The following MAP4 variants were observed in gnomAD, a reference collection of about 807,000 sequenced individuals.
MAP4 encodes microtubule-associated protein 4.
In MAP4, 76 loss-of-function variants were observed where a neutral mutation model predicts 170.2. The observed-to-expected ratio is 0.45, with a 90% CI of 0.37 to 0.54. The LOEUF (loss-of-function observed/expected upper bound fraction) is 0.54. Ranked by LOEUF, MAP4 falls within the 20% of genes least tolerant of loss-of-function variation. MAP4 has a pLI of 0.00. For synonymous variants in MAP4, 909 were observed against 994.5 expected, an observed-to-expected ratio of 0.91 and a Z score of 1.62; for missense variants, 2,506 against 2,748.0, an observed-to-expected ratio of 0.91 and a Z score of 1.97.
chr3:48,038,892 A>G (rs1376727472), intron 1 of MAP4, among the ~76,000 whole-genome samples: 2 of 152,172 alleles, frequency 1.3e-5, no homozygotes, highest in African/African-American at 2.4e-5. Context: ...ACACGAGCCC[A>G]GGAGTTCAAG....
intron 1 of MAP4, among the ~76,000 whole-genome samples, chr3:48,079,926 G>A (rs568981839): frequency 6.6e-6 from 1 of 151,468 alleles, no homozygotes; most frequent in Admixed American, 6.6e-5. Context: ...CTCCGGCCTG[G>A]GCAAAAGAGT....
intron 3 of MAP4, among the ~76,000 whole-genome samples, chr3:47,970,934 G>C (rs552658916): frequency 1.3e-4 from 20 of 152,220 alleles, no homozygotes; most frequent in African/African-American, 4.6e-4. Context: ...ACGTGGCTTA[G>C]AGTATTAATT....
At chr3:48,020,070 G>A (rs1025202480), upstream of MAP4, among the ~76,000 whole-genome samples, 2 of 152,024 alleles carry the variant, frequency 1.3e-5, no homozygotes, top group Non-Finnish European at 2.9e-5. Flanking sequence ...ATTTTTAGTA[G>A]AGACAGGGTT....
intron 3 of MAP4, chr3:47,960,254 TATTC>T (rs1299562554): frequency 4.9e-6 from 1 of 205,046 alleles, no homozygotes; most frequent in African/African-American, 2.3e-5. Flanking sequence ...TTTTTCATCT[TATTC>T]AGTATATTTC....
intron 1 of MAP4, among the ~76,000 whole-genome samples, chr3:48,048,254 T>C (rs2100125619): frequency 6.6e-6 from 1 of 152,228 alleles, no homozygotes; most frequent in South Asian, 2.1e-4. Flanking sequence ...TGCACACTGA[T>C]AAGCTCCCAT....
chr3:47,932,728 A>T (rs931570791), intron 3 of MAP4, among the ~76,000 whole-genome samples: 14 of 151,906 alleles, frequency 9.2e-5, no homozygotes, highest in Non-Finnish European at 1.9e-4. Flanking sequence ...TTCTTTGGAG[A>T]CGTGAAATGA....
At chr3:47,852,985 A>G (rs773385097) in intron 20 of MAP4, 47 bp from the exon 21 acceptor site, 3 of 1,614,048 alleles carry the variant, frequency 1.9e-6, no homozygotes, top group Admixed American at 1.7e-5. Flanking sequence ...CAGGGGAGAC[A>G]AGAGGGGAAC....
At chr3:47,865,431 TTCCACCCGAGTGTAAAG>T (rs1169497072) in intron 17 of MAP4, among the ~76,000 whole-genome samples, 2 of 152,132 alleles carry the variant, frequency 1.3e-5, no homozygotes, top group Non-Finnish European at 2.9e-5. Context: ...GGTCAAGCAA[TTCCACCCGAGTGTAAAG>T]GATGCCATTT....
At chr3:47,984,623 G>A (rs116724581) in intron 2 of MAP4, among the ~76,000 whole-genome samples, 1 of 151,766 alleles carries the variant, frequency 6.6e-6, no homozygotes, top group Non-Finnish European at 1.5e-5. Context: ...CTTGAGCCCA[G>A]GAGTTCAAGA....
rs2100037737 is a variant in MAP4 at position 47,914,797 on chromosome 3, A to G, written c.1999+20T>C. The G allele has an allele frequency of 1.2e-6, 2 of 1,613,966 alleles. No individual in the cohort carries two copies. Among genetic ancestry groups the G allele is most frequent in the Non-Finnish European group, 1.7e-6 (2 of 1,179,950 alleles). On this transcript the variant is annotated intron_variant, in intron 8 of 20. Transcript: ENST00000683076. ...GCCCCTAATTTGTTTCAAAGAGTTC[A>G]TTTTGTTTTCCTAACTTACCTGAGG...
At chr3:48,042,240 T>C (rs1326911505) in intron 1 of MAP4, among the ~76,000 whole-genome samples, 1 of 152,184 alleles carries the variant, frequency 6.6e-6, no homozygotes, top group Non-Finnish European at 1.5e-5. Context: ...GGAATCTTGA[T>C]GCTATCTCCA....
At chr3:47,889,159 A>C (rs1404312235) in intron 10 of MAP4, among the ~76,000 whole-genome samples, 1 of 152,268 alleles carries the variant, frequency 6.6e-6, no homozygotes, top group Admixed American at 6.5e-5. Flanking sequence ...AATGGAGTAC[A>C]TGTGCAGGGA....
At chr3:48,031,841 A>G (rs574288989) in intron 1 of MAP4, among the ~76,000 whole-genome samples, 2 of 152,272 alleles carry the variant, frequency 1.3e-5, no homozygotes, top group East Asian at 3.9e-4. Flanking sequence ...TGATCACAGC[A>G]CTGTACTCCA....
intron 1 of MAP4, among the ~76,000 whole-genome samples, chr3:48,060,771 TACAA>T (rs2100134769): frequency 6.6e-6 from 1 of 151,244 alleles, no homozygotes; most frequent in Non-Finnish European, 1.5e-5. Flanking sequence ...ATAATAATAA[TACAA>T]AAAAAATGTA....
At position 47,934,138 on chromosome 3, in the gene MAP4, G is replaced by C. The variant is rs76768731; in HGVS notation, c.293-5788C>G. ...CAGACTCAGGCACTGGGTAAAGAGAGGGACAGGACATCAAGAGCTAATCTA... is the reference window on the plus strand; with the variant it reads ...CAGACTCAGGCACTGGGTAAAGAGACGGACAGGACATCAAGAGCTAATCTA... On this transcript the variant is annotated intron_variant, in intron 3 of 20. Coordinates refer to ENST00000683076, the MANE Select transcript of MAP4 (RefSeq NM_001385682.1). 8.9e-3 allele frequency among the ~76,000 whole-genome samples: 1,350 copies of C among 152,288 alleles called. 20 individuals carry two copies. The highest frequency in any genetic ancestry group is 0.031 in the African/African-American group (1,277 of 41,552).
intron 17 of MAP4, among the ~76,000 whole-genome samples, chr3:47,866,988 A>T (rs1305439645): frequency 1.3e-5 from 2 of 152,312 alleles, no homozygotes; most frequent in South Asian, 2.1e-4. Context: ...ACATAGCTGG[A>T]GAAAAATCCA....
In MAP4 at chr3:47,911,917, C is replaced by T. The variant is rs1237479721; in HGVS notation, c.2504G>A (p.Cys835Tyr). 3.9e-6 allele frequency: 6 copies of T among 1,536,092 alleles called. No individual in the cohort carries two copies. In the Admixed American group the frequency reaches 1.2e-4, roughly 30 times the overall value. The change falls in exon 9 of 21, where the codon TGT becomes TAT. Residue 835 changes from cysteine (C) to tyrosine (Y), a missense_variant. Physicochemically the swap from Cys to Tyr is radical, Grantham distance 194. Transcript: ENST00000683076. This position sits in a 1 kb window ranked among gnomAD's most constrained non-coding sequence, Gnocchi z 4.0. ...LVSGENLKRE[C>Y]LVNSSAARLV... ...TCTGGCTGCACTGGAGTTAACTAAA[C>T]ATTCCCTTTTCAAGTTTTCTCCAGA... is the stretch of plus-strand genomic sequence containing the variant.
intron 1 of MAP4, among the ~76,000 whole-genome samples, chr3:48,052,755 A>T (rs1559862092): frequency 6.6e-6 from 1 of 152,226 alleles, no homozygotes; most frequent in Non-Finnish European, 1.5e-5. Context: ...GATCACTAGG[A>T]GGACATTTGG....
rs180901900 is a variant in MAP4 at position 47,858,899 on chromosome 3, C to T, written c.6502-1387G>A. ...ATCCCAGCACTTTGGGAGGCTAAGGCGGGCGGATCACGAGGTCAGGAGATC... is the reference window on the plus strand; with the variant it reads ...ATCCCAGCACTTTGGGAGGCTAAGGTGGGCGGATCACGAGGTCAGGAGATC... On this transcript the variant is annotated intron_variant, in intron 17 of 20. Coordinates refer to ENST00000683076, the MANE Select transcript of MAP4 (RefSeq NM_001385682.1). Among the ~76,000 whole-genome samples the T allele has an allele frequency of 1.1e-4, 16 of 152,122 alleles. No individual in the cohort carries two copies. In the South Asian group the frequency reaches 1.2e-3, roughly 12 times the overall value.
Sources: gnomAD v4.1 joint callset for allele counts (sites outside exome capture counted in the v4.1 genomes callset) on GRCh38, gnomAD v4.1.1 for gene constraint, Gnocchi (gnomAD v3.1) non-coding constraint, MANE v1.5 for transcripts, NCBI Gene and HGNC (gene_info 2026-07-23, HGNC 2026-07-21) for gene names.